Variants in LRRC56 observed in about 807,000 individuals in gnomAD.
The protein encoded by LRRC56 is leucine-rich repeat-containing protein 56.
In LRRC56, 41 loss-of-function variants were observed where a neutral mutation model predicts 47.8. The ratio of observed to expected loss-of-function variants is 0.86; its 90% CI spans 0.67 to 1.11. The LOEUF (loss-of-function observed/expected upper bound fraction) is 1.11. LRRC56 is among the 50% of genes most tolerant of loss of function. The probability of loss-of-function intolerance (pLI) is 0.00; values close to 1 mark genes in which losing one functional copy is unlikely to be tolerated. For synonymous variants in LRRC56, 387 were observed against 311.2 expected, an observed-to-expected ratio of 1.24 and a Z score of -2.56; for missense variants, 759 against 704.2, an observed-to-expected ratio of 1.08 and a Z score of -0.88.
rs1202815270 is a variant in LRRC56 at position 541,110 on chromosome 11, T to C, written c.177+249T>C. Among the ~76,000 whole-genome samples the C allele has an allele frequency of 6.6e-6, 1 of 152,048 alleles. No homozygotes were observed. Among genetic ancestry groups the C allele is most frequent in the Non-Finnish European group, 1.5e-5 (1 of 67,984 alleles). On this transcript the variant is annotated intron_variant, in intron 4 of 13. Transcript: ENST00000270115. The surrounding 1 kb of genome is among the most constrained non-coding windows in gnomAD (Gnocchi z 4.1). ...ACACAGACGTCCCCAGGCATTTGGG[T>C]CACAGACAGGACTGAGCCAGGCCAG...
intron 3 of LRRC56, 112 bp from the exon 4 acceptor site, chr11:540,562 A>T: frequency 2.3e-6 from 2 of 885,504 alleles, no homozygotes; most frequent in Non-Finnish European, 3.3e-6. Context: ...GGTGGGTGCC[A>T]AGGGCTTGCT....
upstream of LRRC56, chr11:532,838 C>T (rs373475288): frequency 1.4e-6 from 2 of 1,416,616 alleles, no homozygotes; most frequent in East Asian, 2.3e-5. Flanking sequence ...GGGATCAAGC[C>T]TTGCCTGGCC....
intron 6 of LRRC56, among the ~76,000 whole-genome samples, chr11:549,550 C>T (rs894979083): frequency 6.6e-6 from 1 of 152,224 alleles, no homozygotes; most frequent in Non-Finnish European, 1.5e-5. Context: ...GACCCTTACT[C>T]CAAATTCGAG....
At position 546,929 on chromosome 11, in the gene LRRC56, C is replaced by T. The variant is rs114725047; in HGVS notation, c.326+2149C>T. 3.3e-3 allele frequency among the ~76,000 whole-genome samples: 501 copies of T among 151,894 alleles called. 2 individuals carry two copies. The highest frequency in any genetic ancestry group is 0.011 in the African/African-American group (467 of 41,418). Reference sequence around the variant, plus strand: ...AAAAGAAATAGCCAGGCATGGTGTGCGCTTGTAATCCCAGCTACACAGGAG... The same window carrying T: ...AAAAGAAATAGCCAGGCATGGTGTGTGCTTGTAATCCCAGCTACACAGGAG... On this transcript the variant is annotated intron_variant, in intron 6 of 13. Transcript: ENST00000270115.
chr11:533,936 G>A (rs763920334), upstream of LRRC56: 15 of 1,611,402 alleles, frequency 9.3e-6, no homozygotes, highest in South Asian at 3.3e-5. Flanking sequence ...CCTGCTTCCG[G>A]TAGGAATCCT....
chr11:528,395 T>A, the LRRC56 span: 1 of 152,134 alleles, frequency 6.6e-6, no homozygotes, highest in Non-Finnish European at 1.5e-5. Flanking sequence ...CAGCAGGGCC[T>A]GTCAATCAGT....
At chr11:536,942 C>T (rs1254233353), upstream of LRRC56, 1 of 152,188 alleles carries the variant, frequency 6.6e-6, no homozygotes, top group African/African-American at 2.4e-5. Context: ...GGGGCGGACA[C>T]GCATGAACGC....
chr11:518,131 C>T, the LRRC56 span, among the ~76,000 whole-genome samples: 1 of 151,998 alleles, frequency 6.6e-6, no homozygotes, highest in Non-Finnish European at 1.5e-5. Context: ...CTGCCACATC[C>T]CCCTCTCTGA....
At chr11:533,911 C>A (rs1277340795), upstream of LRRC56, 3 of 1,612,902 alleles carry the variant, frequency 1.9e-6, no homozygotes, top group Non-Finnish European at 2.5e-6. Flanking sequence ...AGGCACGTCT[C>A]CCCATCAATG....
upstream of LRRC56, chr11:534,520 G>A (rs1851336429): frequency 1.7e-6 from 1 of 601,564 alleles, no homozygotes; most frequent in South Asian, 2.0e-5. Flanking sequence ...GTGCCTACCT[G>A]TGCAGCTGCA....
At chr11:511,018 G>A in the LRRC56 span, among the ~76,000 whole-genome samples, 1 of 152,048 alleles carries the variant, frequency 6.6e-6, no homozygotes. Flanking sequence ...TTCACACGCA[G>A]CACGTGAAAT....
At chr11:543,474 C>G (rs919434927) in intron 5 of LRRC56, among the ~76,000 whole-genome samples, 1 of 152,078 alleles carries the variant, frequency 6.6e-6, no homozygotes, top group Non-Finnish European at 1.5e-5. Context: ...CTCGGCCTCC[C>G]AAAGTGCTGA....
At chr11:532,411 G>A in the LRRC56 span, 24 of 648,314 alleles carry the variant, frequency 3.7e-5, no homozygotes, top group South Asian at 3.4e-4. Flanking sequence ...ACGGTCCCGG[G>A]GTGACTGGGC....
upstream of LRRC56, chr11:534,558 C>T (rs1277114620): frequency 1.7e-6 from 1 of 589,496 alleles, no homozygotes; most frequent in Admixed American, 3.0e-5. Flanking sequence ...GCTGTCGCCT[C>T]GCCCCCACTT....
upstream of LRRC56, chr11:535,369 G>T: frequency 6.8e-6 from 1 of 146,864 alleles, no homozygotes; most frequent in South Asian, 1.8e-4. Flanking sequence ...GCTGCCGCCT[G>T]GGGGCGAGGA....
chr11:516,416 G>A, the LRRC56 span, among the ~76,000 whole-genome samples: 930 of 151,498 alleles, frequency 6.1e-3, 8 homozygotes, highest in African/African-American at 0.022. Context: ...CCCAAATCTT[G>A]AAGCCAGGCA....
chr11:525,567 TCAAAAA>T, the LRRC56 span, among the ~76,000 whole-genome samples: 2 of 142,922 alleles, frequency 1.4e-5, no homozygotes, highest in Non-Finnish European at 3.1e-5. Flanking sequence ...AAAAAAAATC[TCAAAAA>T]CATAACCAAA....
chr11:536,120 C>G (rs1244152824), upstream of LRRC56, among the ~76,000 whole-genome samples: 1 of 152,256 alleles, frequency 6.6e-6, no homozygotes, highest in Non-Finnish European at 1.5e-5. Context: ...CCCAGCTCCC[C>G]TACTCCCACC....
chr11:524,989 A>T, the LRRC56 span, among the ~76,000 whole-genome samples: 158 of 150,004 alleles, frequency 1.1e-3, 1 homozygote, highest in Admixed American at 2.2e-3. Flanking sequence ...CCAGCTACTC[A>T]GGAGGCTGAG....
Sources: gnomAD v4.1 joint callset for allele counts (sites outside exome capture counted in the v4.1 genomes callset) on GRCh38, gnomAD v4.1.1 for gene constraint, Gnocchi (gnomAD v3.1) non-coding constraint, MANE v1.5 for transcripts, NCBI Gene and HGNC (gene_info 2026-07-23, HGNC 2026-07-21) for gene names.